Variants in LIMS1 observed in about 807,000 individuals in gnomAD.
The protein encoded by LIMS1 is LIM and senescent cell antigen-like-containing domain protein 1.
LIMS1 carries 18 observed loss-of-function variants against 44.1 expected under a neutral mutation model. That is an observed-to-expected ratio of 0.41 (90% CI 0.28 to 0.61). The LOEUF is 0.61. LIMS1 is among the 20% of genes least tolerant of loss of function. The probability of loss-of-function intolerance (pLI) is 0.32; values close to 1 mark genes in which losing one functional copy is unlikely to be tolerated. For missense variants in LIMS1, 201 were observed against 422.0 expected (o/e 0.48, Z 4.59); for synonymous variants, 93 against 149.1 (o/e 0.62, Z 2.74).
At chr2:108,647,830 A>G (rs998030277) in intron 1 of LIMS1, among the ~76,000 whole-genome samples, 11 of 152,204 alleles carry the variant, frequency 7.2e-5, no homozygotes, top group African/African-American at 2.7e-4. Context: ...AATAAGAGCT[A>G]TTTATGGCAA....
At chr2:108,618,915 A>C (rs1022531705) in intron 1 of LIMS1, among the ~76,000 whole-genome samples, 6 of 152,086 alleles carry the variant, frequency 3.9e-5, no homozygotes, top group African/African-American at 1.4e-4. Context: ...GTTTCATCAG[A>C]ACATAAGCAT....
At chr2:108,588,038 A>AT (rs1686191660) in intron 1 of LIMS1, among the ~76,000 whole-genome samples, 1 of 152,190 alleles carries the variant, frequency 6.6e-6, no homozygotes, top group Non-Finnish European at 1.5e-5. Flanking sequence ...AGAGGCTATC[A>AT]TTTTTTTAAA....
intron 1 of LIMS1, among the ~76,000 whole-genome samples, chr2:108,616,312 C>A (rs1308084579): frequency 1.4e-5 from 2 of 146,318 alleles, no homozygotes; most frequent in Non-Finnish European, 1.5e-5. Flanking sequence ...CTCAAGTGAT[C>A]ATGATCCCCC....
chr2:108,534,844 C>T (rs1184780613), intron 1 of LIMS1, among the ~76,000 whole-genome samples: 1 of 152,102 alleles, frequency 6.6e-6, no homozygotes. Flanking sequence ...CCCGCTGCTC[C>T]GAGAGTTCCA....
At chr2:108,586,774 C>T (rs1451393900) in intron 1 of LIMS1, among the ~76,000 whole-genome samples, 6 of 152,138 alleles carry the variant, frequency 3.9e-5, no homozygotes, top group Admixed American at 2.6e-4. Flanking sequence ...CAGAAGACTT[C>T]CATTCTCTTT....
intron 1 of LIMS1, among the ~76,000 whole-genome samples, chr2:108,608,669 T>C (rs1029747972): frequency 2.0e-5 from 3 of 152,182 alleles, no homozygotes; most frequent in African/African-American, 7.2e-5. Flanking sequence ...TTTACAGCTA[T>C]ACAGCATTTC....
intron 1 of LIMS1, among the ~76,000 whole-genome samples, chr2:108,626,698 T>G (rs750867572): frequency 2.0e-5 from 3 of 152,214 alleles, no homozygotes; most frequent in Non-Finnish European, 4.4e-5. Context: ...TAGATTAAAC[T>G]CTTTACACTC....
At chr2:108,587,287 GGTTTGT>G (rs1305795472) in intron 1 of LIMS1, among the ~76,000 whole-genome samples, 26 of 111,820 alleles carry the variant, frequency 2.3e-4, no homozygotes, top group African/African-American at 7.0e-4. Context: ...GTTTTCTTGG[GGTTTGT>G]GTGTGTGTGT....
intron 1 of LIMS1, among the ~76,000 whole-genome samples, chr2:108,583,327 A>G (rs2718719): frequency 0.67 from 100,601 of 151,252 alleles, 34,091 homozygotes; most frequent in East Asian, 0.97. Context: ...ACAGGCGTAA[A>G]TCACCACGCC....
chr2:108,613,727 A>G (rs1369098624), intron 1 of LIMS1, among the ~76,000 whole-genome samples: 1 of 152,010 alleles, frequency 6.6e-6, no homozygotes, highest in Non-Finnish European at 1.5e-5. Context: ...AGGGTGAAGA[A>G]CACCAGGTCC....
intron 1 of LIMS1, among the ~76,000 whole-genome samples, chr2:108,621,613 T>G (rs1688246332): frequency 6.6e-6 from 1 of 152,204 alleles, no homozygotes; most frequent in Non-Finnish European, 1.5e-5. Flanking sequence ...ATATCAAGAT[T>G]GTACTGATTG....
chr2:108,553,111 T>C (rs529524760), intron 1 of LIMS1, among the ~76,000 whole-genome samples: 3 of 152,292 alleles, frequency 2.0e-5, no homozygotes, highest in African/African-American at 7.2e-5. Context: ...ATAATTCATG[T>C]GGGCCTCCTC....
chr2:108,594,010 C>T (rs1418471706), intron 1 of LIMS1, among the ~76,000 whole-genome samples: 1 of 152,142 alleles, frequency 6.6e-6, no homozygotes, highest in Non-Finnish European at 1.5e-5. Context: ...AGTAACAAAG[C>T]TCCCTTTAAA....
chr2:108,660,878 C>T (rs1315859088), intron 2 of LIMS1, among the ~76,000 whole-genome samples: 6 of 150,248 alleles, frequency 4.0e-5, no homozygotes, highest in South Asian at 4.2e-4. Context: ...CATATTTGTA[C>T]GTAAATGCAC....
intron 1 of LIMS1, among the ~76,000 whole-genome samples, chr2:108,634,939 A>G (rs535974385): frequency 1.3e-5 from 2 of 152,208 alleles, no homozygotes; most frequent in South Asian, 2.1e-4. Flanking sequence ...GGACTGACCA[A>G]TGGGTGTGTG....
intron 1 of LIMS1, among the ~76,000 whole-genome samples, chr2:108,636,620 G>T (rs1355168862): frequency 1.3e-5 from 2 of 152,218 alleles, no homozygotes; most frequent in Non-Finnish European, 2.9e-5. Context: ...TCCCAGTGAT[G>T]CCTCCTACAG....
intron 1 of LIMS1, among the ~76,000 whole-genome samples, chr2:108,633,096 A>C (rs967068763): frequency 6.6e-6 from 1 of 152,214 alleles, no homozygotes; most frequent in Non-Finnish European, 1.5e-5. Flanking sequence ...TCATGACGGC[A>C]GTGGAAGATT....
chr2:108,678,077 C>G lies in LIMS1; in HGVS notation c.823+50C>G, dbSNP rs778820548. ...TTGGTGCCACTTTGACACAAAAACA[C>G]TTGGGTAATGTGGAAATTCAGGTTG... On this transcript the variant is annotated intron_variant, in intron 8 of 9. Coordinates refer to ENST00000544547, the Ensembl canonical transcript of LIMS1. 26 of 1,607,818 alleles carry G rather than the reference C, an allele frequency of 1.6e-5. 1 individual carries two copies. The Admixed American group carries it at 4.3e-4, about 26-fold the overall frequency.
intron 1 of LIMS1, among the ~76,000 whole-genome samples, chr2:108,636,839 G>A (rs1158229922): frequency 6.6e-6 from 1 of 152,134 alleles, no homozygotes; most frequent in Non-Finnish European, 1.5e-5. Flanking sequence ...GAGCACAGGA[G>A]CCTGCAGAAC....
Sources: allele counts gnomAD v4.1 joint callset (sites outside exome capture counted in the v4.1 genomes callset), GRCh38; gene constraint gnomAD v4.1.1; transcripts MANE v1.5; gene names NCBI Gene and HGNC (gene_info 2026-07-23, HGNC 2026-07-21).